PDCD1LG2: variants seen among roughly 807,000 people sequenced by gnomAD.
PDCD1LG2 encodes programmed cell death 1 ligand 2.
Under a neutral mutation model 28.2 loss-of-function variants are expected in PDCD1LG2, and 32 were observed. The ratio of observed to expected loss-of-function variants is 1.13; its 90% CI spans 0.86 to 1.52. The LOEUF (loss-of-function observed/expected upper bound fraction) is 1.52, where lower values mean the gene tolerates loss of function less well. Ranked by LOEUF, PDCD1LG2 falls within the 40% of genes most tolerant of loss-of-function variation. PDCD1LG2 has a pLI of 0.00. For missense variants in PDCD1LG2, 385 were observed against 323.8 expected, an observed-to-expected ratio of 1.19 and a Z score of -1.45; for synonymous variants, 116 against 120.2, an observed-to-expected ratio of 0.97 and a Z score of 0.23.
chr9:5,526,046 CA>C (rs375299943), intron 2 of PDCD1LG2, among the ~76,000 whole-genome samples: 112 of 118,012 alleles, frequency 9.5e-4, no homozygotes, highest in Middle Eastern at 4.4e-3. Context: ...GACTCCGTCT[CA>C]AAAAAAAAAA....
At chr9:5,535,997 C>T (rs1820573128) in intron 3 of PDCD1LG2, among the ~76,000 whole-genome samples, 1 of 152,134 alleles carries the variant, frequency 6.6e-6, no homozygotes, top group Non-Finnish European at 1.5e-5. Flanking sequence ...TGGCCTCTTC[C>T]CCTCCCACGC....
Position 5,557,704 on chromosome 9 carries a change from G to A in PDCD1LG2, c.718G>A (p.Val240Met), listed in dbSNP as rs779924421. The A allele has an allele frequency of 1.2e-6, 2 of 1,613,808 alleles. No individual in the cohort carries two copies. Among genetic ancestry groups the A allele is most frequent in the Non-Finnish European group, 1.7e-6 (2 of 1,179,830 alleles). ...CIIAFIFIAT[V>M]IALRKQLCQK... ...CATTGCTTTCATTTTCATAGCCACA[G>A]TGATAGCCCTAAGAAAACAACTCTG... is the stretch of plus-strand genomic sequence containing the variant. Residue 240 changes from valine to methionine, a missense_variant, in exon 5 of 7, where the codon GTG (valine) becomes ATG (methionine). Val to Met is a conservative substitution (Grantham distance 21, BLOSUM62 1). Coordinates refer to ENST00000397747, the MANE Select transcript of PDCD1LG2 (RefSeq NM_025239.4).
At chr9:5,549,950 C>A (rs1473954595) in intron 4 of PDCD1LG2, among the ~76,000 whole-genome samples, 1 of 152,190 alleles carries the variant, frequency 6.6e-6, no homozygotes, top group African/African-American at 2.4e-5. Flanking sequence ...CCTCCAATCT[C>A]CTGCTAGCAC....
chr9:5,525,354 A>C (rs1408068074), intron 2 of PDCD1LG2, among the ~76,000 whole-genome samples: 2 of 151,002 alleles, frequency 1.3e-5, no homozygotes, highest in Admixed American at 1.3e-4. Flanking sequence ...AAAAAAAAAA[A>C]AAAAGAAAAA....
chr9:5,532,965 G>A (rs369842590), intron 2 of PDCD1LG2, among the ~76,000 whole-genome samples: 14 of 152,206 alleles, frequency 9.2e-5, no homozygotes, highest in Middle Eastern at 3.4e-3. Context: ...ATTAAAGGAC[G>A]GACTCACAGT....
intron 3 of PDCD1LG2, among the ~76,000 whole-genome samples, chr9:5,536,234 G>A (rs1459470362): frequency 6.6e-6 from 1 of 152,162 alleles, no homozygotes; most frequent in East Asian, 1.9e-4. Flanking sequence ...ACGAACAATA[G>A]TAGTACCAAA....
intron 4 of PDCD1LG2, among the ~76,000 whole-genome samples, chr9:5,555,320 G>C (rs1816416373): frequency 6.6e-6 from 1 of 152,124 alleles, no homozygotes; most frequent in African/African-American, 2.4e-5. Flanking sequence ...AAGAGGCCGA[G>C]GCAGGAGAAT....
intron 1 of PDCD1LG2, among the ~76,000 whole-genome samples, chr9:5,512,537 T>C (rs375277887): frequency 7.2e-5 from 11 of 152,352 alleles, no homozygotes; most frequent in African/African-American, 2.4e-4. Flanking sequence ...ACTAGTCCTC[T>C]GTTCCTGCTC....
chr9:5,538,120 C>T (rs1455622079), intron 3 of PDCD1LG2, among the ~76,000 whole-genome samples: 1 of 152,032 alleles, frequency 6.6e-6, no homozygotes, highest in African/African-American at 2.4e-5. Context: ...AGAATTTTTT[C>T]ATTTAATAAT....
intron 1 of PDCD1LG2, among the ~76,000 whole-genome samples, chr9:5,512,141 G>A (rs910383337): frequency 7.2e-5 from 11 of 152,164 alleles, no homozygotes; most frequent in African/African-American, 2.7e-4. Context: ...GTAGATTGTT[G>A]TGTGTCATTT....
chr9:5,542,539 C>A (rs1283076442), intron 3 of PDCD1LG2, among the ~76,000 whole-genome samples: 1 of 152,130 alleles, frequency 6.6e-6, no homozygotes, highest in East Asian at 1.9e-4. Context: ...CATGAATAGA[C>A]AATTCTCACA....
At chr9:5,538,671 G>A (rs1013426835) in intron 3 of PDCD1LG2, among the ~76,000 whole-genome samples, 1 of 150,096 alleles carries the variant, frequency 6.7e-6, no homozygotes, top group Non-Finnish European at 1.5e-5. Context: ...CTGGGCGACA[G>A]AGCGAGACTC....
intron 5 of PDCD1LG2, among the ~76,000 whole-genome samples, chr9:5,558,173 A>C (rs1816484571): frequency 6.6e-6 from 1 of 151,670 alleles, no homozygotes; most frequent in South Asian, 2.1e-4. Context: ...GGTTAAACCC[A>C]CCCCCTCTCC....
At chr9:5,535,084 C>T (rs748363015) in intron 3 of PDCD1LG2, 34 bp downstream of exon 3, 1 of 1,539,680 alleles carries the variant, frequency 6.5e-7, no homozygotes, top group African/African-American at 1.4e-5. Flanking sequence ...TCCATGGAAG[C>T]ATCTCTCCAA....
At chr9:5,557,494 C>A in intron 4 of PDCD1LG2, 124 bp from the exon 5 acceptor site, 1 of 1,113,842 alleles carries the variant, frequency 9.0e-7, no homozygotes, top group Non-Finnish European at 1.3e-6. Context: ...TAGAATAGGG[C>A]CTGGTGTGGA....
chr9:5,555,020 T>C (rs978371458), intron 4 of PDCD1LG2, among the ~76,000 whole-genome samples: 2 of 151,906 alleles, frequency 1.3e-5, no homozygotes, highest in African/African-American at 2.4e-5. Flanking sequence ...AAAAAAATGG[T>C]ATATCTAGCA....
intron 5 of PDCD1LG2, among the ~76,000 whole-genome samples, chr9:5,561,816 G>A (rs1030865987): frequency 6.6e-6 from 1 of 152,184 alleles, no homozygotes; most frequent in African/African-American, 2.4e-5. Context: ...GATTGAGCCA[G>A]AATTTTACAG....
Position 5,549,323 on chromosome 9 carries a change from TCTATTGTCCAGCTTC to T in PDCD1LG2, c.362-8_368del. 6.3e-7 allele frequency: 1 copy of T among 1,596,332 alleles called. No individual in the cohort carries two copies. The highest frequency in any genetic ancestry group is 8.6e-7 in the Non-Finnish European group (1 of 1,168,226). ...AATAAAGTCTTATTTCTTTTTCTTCTCTATTGTCCAGCTTCCTACAGGAAAATAAACACTCACATC... is the reference window on the plus strand; with the variant it reads ...AATAAAGTCTTATTTCTTTTTCTTCTCTACAGGAAAATAAACACTCACATC... On this transcript the variant is annotated splice_acceptor_variant and splice_polypyrimidine_tract_variant and coding_sequence_variant and intron_variant, in exon 4 of 7. Coordinates refer to ENST00000397747, the MANE Select transcript of PDCD1LG2 (RefSeq NM_025239.4). LOFTEE classifies it high-confidence loss of function.
At chr9:5,518,363 C>T (rs1586791304) in intron 1 of PDCD1LG2, among the ~76,000 whole-genome samples, 2 of 152,138 alleles carry the variant, frequency 1.3e-5, no homozygotes, top group Non-Finnish European at 2.9e-5. Context: ...GGAAAGTCCC[C>T]GTGGAAGGGC....
Sources: gnomAD v4.1 joint callset for allele counts (sites outside exome capture counted in the v4.1 genomes callset) on GRCh38, gnomAD v4.1.1 for gene constraint, MANE v1.5 for transcripts, NCBI Gene and HGNC (gene_info 2026-07-23, HGNC 2026-07-21) for gene names.